Variants in AKAP7 observed in about 807,000 individuals in gnomAD.
AKAP7 encodes the protein A kinase (PRKA) anchor protein 7.
A neutral mutation model predicts 39.5 loss-of-function variants in AKAP7; 39 were observed. The observed-to-expected ratio is 0.99, with a 90% CI of 0.76 to 1.29. The LOEUF is 1.29. Among genes scored for constraint, AKAP7 ranks in the 50% most tolerant of loss-of-function variants. The probability of loss-of-function intolerance (pLI) is 0.00; values close to 1 mark genes in which losing one functional copy is unlikely to be tolerated. For synonymous variants in AKAP7, 140 were observed against 139.1 expected (o/e 1.01, Z -0.05); for missense variants, 414 against 407.7 (o/e 1.02, Z -0.13).
Position 131,239,202 on chromosome 6 carries a change from A to G in AKAP7, c.850+19394A>G, listed in dbSNP as rs550794197. Among the ~76,000 whole-genome samples, 426 of 152,300 alleles carry G rather than the reference A, an allele frequency of 2.8e-3. 2 individuals carry two copies. The highest frequency in any genetic ancestry group is 9.9e-3 in the African/African-American group (411 of 41,560). ...GGCTGGATATGAAATTCTGGGTTGA[A>G]AATTCTTTCATTTAAGAATGTTGAA... On this transcript the variant is annotated intron_variant, in intron 7 of 7. Transcript: ENST00000431975.
intron 7 of AKAP7, among the ~76,000 whole-genome samples, chr6:131,235,122 T>A (rs1056766418): frequency 6.6e-6 from 1 of 152,166 alleles, no homozygotes; most frequent in African/African-American, 2.4e-5. Context: ...GTGTTCTCAT[T>A]GTTCAATTCC....
In AKAP7 at chr6:131,272,853, T is replaced by G. The variant is rs1814408041; in HGVS notation, c.851-8677T>G. Among the ~76,000 whole-genome samples, 3 of 152,182 alleles carry G rather than the reference T, an allele frequency of 2.0e-5. No homozygotes were observed. The South Asian group carries it at 6.2e-4, about 32-fold the overall frequency. ...GCTGGAGGGTTCTGTAATTTTCAGT[T>G]AGGTGGATTTGGTTAGTACTGTAGT... On this transcript the variant is annotated intron_variant, in intron 7 of 7. Coordinates refer to ENST00000431975, the MANE Select transcript of AKAP7 (RefSeq NM_016377.4).
intron 7 of AKAP7, among the ~76,000 whole-genome samples, chr6:131,241,836 A>T (rs148374154): frequency 2.2e-3 from 328 of 152,194 alleles, no homozygotes; most frequent in African/African-American, 7.5e-3. Context: ...AATTATTTCC[A>T]TAAGTGTGAC....
At chr6:131,162,544 A>G (rs934556301) in intron 3 of AKAP7, among the ~76,000 whole-genome samples, 2 of 152,190 alleles carry the variant, frequency 1.3e-5, no homozygotes, top group Admixed American at 6.5e-5. Context: ...TTAAACCCGA[A>G]TATAGCCGTG....
intron 5 of AKAP7, among the ~76,000 whole-genome samples, chr6:131,196,968 C>T (rs745306799): frequency 6.6e-6 from 1 of 151,976 alleles, no homozygotes; most frequent in South Asian, 2.1e-4. Context: ...ATTTATAACT[C>T]TGGTCTCCTC....
At chr6:131,231,507 CT>C (rs1337911243) in intron 7 of AKAP7, among the ~76,000 whole-genome samples, 4 of 151,940 alleles carry the variant, frequency 2.6e-5, no homozygotes, top group Non-Finnish European at 5.9e-5. Flanking sequence ...GAACTGTATA[CT>C]TTTTTTTCCA....
chr6:131,143,735 ATTCTTTTTTTTTTT>A (rs1341328651), intron 1 of AKAP7, among the ~76,000 whole-genome samples: 1 of 131,510 alleles, frequency 7.6e-6, no homozygotes, highest in African/African-American at 3.3e-5. Flanking sequence ...TTGTAGCCAT[ATTCTTTTTTTTTTT>A]TTATTTTTTA....
intron 7 of AKAP7, among the ~76,000 whole-genome samples, chr6:131,271,105 G>T (rs960014105): frequency 1.3e-5 from 2 of 151,938 alleles, no homozygotes; most frequent in African/African-American, 4.8e-5. Flanking sequence ...TTTAAAGTTT[G>T]TGCTTTTGTT....
upstream of AKAP7, among the ~76,000 whole-genome samples, chr6:131,135,169 A>T (rs1030744176): frequency 6.6e-6 from 1 of 152,248 alleles, no homozygotes; most frequent in Non-Finnish European, 1.5e-5. Flanking sequence ...AAAACTAAGC[A>T]CATGGATTCT....
chr6:131,135,383 G>A (rs1416447167), upstream of AKAP7, among the ~76,000 whole-genome samples: 1 of 152,208 alleles, frequency 6.6e-6, no homozygotes, highest in African/African-American at 2.4e-5. Context: ...GCAGTCGCCG[G>A]CCCTAGTTTC....
chr6:131,204,568 A>G (rs1365772820), intron 6 of AKAP7, among the ~76,000 whole-genome samples: 1 of 152,190 alleles, frequency 6.6e-6, no homozygotes, highest in Non-Finnish European at 1.5e-5. Context: ...AGATCAGTGA[A>G]TAGAACTGAC....
At chr6:131,270,670 T>C (rs1041011322) in intron 7 of AKAP7, among the ~76,000 whole-genome samples, 2 of 152,208 alleles carry the variant, frequency 1.3e-5, no homozygotes, top group African/African-American at 4.8e-5. Flanking sequence ...AAGTGGCTAT[T>C]ACCATTTTTG....
intron 5 of AKAP7, among the ~76,000 whole-genome samples, chr6:131,174,134 A>G (rs923651366): frequency 1.3e-5 from 2 of 152,260 alleles, no homozygotes; most frequent in East Asian, 3.8e-4. Flanking sequence ...TGGAGGGAGA[A>G]CAACATTCTT....
At chr6:131,159,125 C>A (rs60118432) in intron 2 of AKAP7, among the ~76,000 whole-genome samples, 14,313 of 151,578 alleles carry the variant, frequency 0.094, 757 homozygotes, top group Middle Eastern at 0.19. Flanking sequence ...ACGGAGTCTC[C>A]CTATGTCGCC....
chr6:131,237,088 C>A (rs1811133886), intron 7 of AKAP7, among the ~76,000 whole-genome samples: 1 of 152,094 alleles, frequency 6.6e-6, no homozygotes, highest in Admixed American at 6.5e-5. Flanking sequence ...CCATCAATAC[C>A]TAATTTATTG....
At chr6:131,245,768 A>G (rs1357715615) in intron 7 of AKAP7, among the ~76,000 whole-genome samples, 1 of 152,124 alleles carries the variant, frequency 6.6e-6, no homozygotes, top group Non-Finnish European at 1.5e-5. Flanking sequence ...AGTTAAAGGT[A>G]TGTCTCGTCT....
At chr6:131,250,528 A>C in intron 7 of AKAP7, 1 of 1,613,596 alleles carries the variant, frequency 6.2e-7, no homozygotes, top group Non-Finnish European at 8.5e-7. Context: ...TGGGGTCCTC[A>C]CGGAGAAGAA....
intron 2 of AKAP7, among the ~76,000 whole-genome samples, chr6:131,159,607 G>A (rs1802755951): frequency 6.6e-6 from 1 of 152,154 alleles, no homozygotes; most frequent in Non-Finnish European, 1.5e-5. Context: ...GTGTGACAGT[G>A]GCCCCAGACC....
intron 2 of AKAP7, among the ~76,000 whole-genome samples, chr6:131,148,208 C>A (rs1434879144): frequency 1.3e-5 from 2 of 152,144 alleles, no homozygotes; most frequent in Admixed American, 1.3e-4. Context: ...GGGGCTCAGG[C>A]CAGTCCACAA....
Sources: gnomAD v4.1 joint callset for allele counts (sites outside exome capture counted in the v4.1 genomes callset) on GRCh38, gnomAD v4.1.1 for gene constraint, MANE v1.5 for transcripts, NCBI Gene and HGNC (gene_info 2026-07-23, HGNC 2026-07-21) for gene names.